Variants in PKM observed in about 807,000 individuals in gnomAD.
The protein encoded by PKM is pyruvate kinase M1/2.
Under a neutral mutation model 49.8 loss-of-function variants are expected in PKM, and 18 were observed. The observed-to-expected ratio is 0.36, with a 90% CI of 0.25 to 0.54. PKM has a LOEUF of 0.54. Among genes scored for constraint, PKM ranks in the 20% least tolerant of loss-of-function variants. The pLI is 0.89. For missense variants in PKM, 508 were observed against 713.8 expected, an observed-to-expected ratio of 0.71 and a Z score of 3.28; for synonymous variants, 239 against 261.8, an observed-to-expected ratio of 0.91 and a Z score of 0.84.
intron 1 of PKM, chr15:72,229,488 CAAA>C: frequency 9.2e-7 from 1 of 1,083,782 alleles, no homozygotes; most frequent in African/African-American, 1.6e-5. Flanking sequence ...CCCGTACCAG[CAAA>C]GGTCCAAGCC....
intron 3 of PKM, among the ~76,000 whole-genome samples, chr15:72,216,457 C>CA (rs1218094253): frequency 6.6e-6 from 1 of 151,976 alleles, no homozygotes; most frequent in East Asian, 1.9e-4. Flanking sequence ...CTCATTTCCC[C>CA]CAAAAAAATT....
intron 1 of PKM, among the ~76,000 whole-genome samples, chr15:72,223,051 A>G (rs1421494418): frequency 7.6e-6 from 1 of 131,888 alleles, no homozygotes; most frequent in East Asian, 2.1e-4. Flanking sequence ...ACAGGGTTTC[A>G]CTCTGTCACC....
chr15:72,211,241 C>T (rs557080296), intron 3 of PKM, among the ~76,000 whole-genome samples: 81 of 152,050 alleles, frequency 5.3e-4, no homozygotes, highest in Middle Eastern at 3.4e-3. Context: ...CTAACTTCTT[C>T]GATTTTTAGT....
chr15:72,208,927 C>A (rs138669807), intron 5 of PKM, 36 bp from the exon 6 acceptor site: 1 of 1,601,058 alleles, frequency 6.2e-7, no homozygotes, highest in East Asian at 2.3e-5. Flanking sequence ...AGGCAGAGCA[C>A]GAGGGCACAG....
At chr15:72,212,401 G>A (rs1596759158) in intron 3 of PKM, among the ~76,000 whole-genome samples, 3 of 151,964 alleles carry the variant, frequency 2.0e-5, no homozygotes, top group Admixed American at 2.0e-4. Context: ...CTTGAACCTA[G>A]GAGGCAGAAG....
chr15:72,216,389 T>C (rs1363653279), intron 3 of PKM, among the ~76,000 whole-genome samples: 2 of 152,098 alleles, frequency 1.3e-5, no homozygotes, highest in African/African-American at 4.8e-5. Flanking sequence ...AATCCCAACA[T>C]TTGAGAGAAT....
chr15:72,219,446 C>A, intron 1 of PKM: 1 of 200,308 alleles, frequency 5.0e-6, no homozygotes, highest in East Asian at 1.1e-4. Flanking sequence ...CTATAAATAA[C>A]ATCATTTAAC....
At chr15:72,213,731 C>T (rs545140998) in intron 3 of PKM, among the ~76,000 whole-genome samples, 1 of 152,108 alleles carries the variant, frequency 6.6e-6, no homozygotes, top group African/African-American at 2.4e-5. Context: ...GCACGCCCAG[C>T]CCACTTTTTC....
In PKM at chr15:72,209,713, G is replaced by A. The variant is rs144805271; in HGVS notation, c.525C>T (p.Tyr175=). The stretch of plus-strand genomic sequence containing the variant: ...GGAGAGAAATAAGCCCATCATCCAC[G>A]TAGATCTTGCTGCCCACTTCCACCA... ...CKVVEVGSKI[Y]VDDGLISLQV... Residue 175 remains tyrosine (Y), a synonymous_variant, in exon 5 of 11, where the codon TAC becomes TAT. Coordinates refer to ENST00000335181, the MANE Select transcript of PKM (RefSeq NM_002654.6). 73 of 1,613,896 alleles carry A rather than the reference G, an allele frequency of 4.5e-5. No homozygotes were observed. The East Asian group carries it at 1.2e-3, about 26-fold the overall frequency.
At chr15:72,219,530 T>C (rs2082467827) in intron 1 of PKM, 1 of 164,440 alleles carries the variant, frequency 6.1e-6, no homozygotes, top group South Asian at 1.6e-4. Flanking sequence ...ACTCCTAGCT[T>C]AGTGCCTTGA....
At position 72,207,123 on chromosome 15, in the gene PKM, A is replaced by G. The variant is rs1406280335; in HGVS notation, c.987+4T>C. On this transcript the variant is annotated splice_donor_region_variant and intron_variant, in intron 7 of 10. Coordinates refer to ENST00000335181, the MANE Select transcript of PKM (RefSeq NM_002654.6). The stretch of plus-strand genomic sequence containing the variant: ...TGAGAATGTGGGGAAGGGTGGGCAC[A>G]TGCCTGAGTAGCACAGATGACAGGC... 1.2e-6 allele frequency: 2 copies of G among 1,613,466 alleles called. No individual in the cohort carries two copies. The highest frequency in any genetic ancestry group is 1.1e-5 in the South Asian group (1 of 91,050).
At chr15:72,208,544 G>T in intron 6 of PKM, 77 bp downstream of exon 6, 2 of 1,490,104 alleles carry the variant, frequency 1.3e-6, no homozygotes, top group Non-Finnish European at 1.9e-6. Flanking sequence ...TAGGGGCTGG[G>T]AATCAGACAT....
At chr15:72,215,486 G>C (rs1047733541) in intron 3 of PKM, among the ~76,000 whole-genome samples, 1 of 151,734 alleles carries the variant, frequency 6.6e-6, no homozygotes, top group Non-Finnish European at 1.5e-5. Context: ...ACTTCAAAAT[G>C]AACACACAAG....
chr15:72,210,509 G>A (rs376191507), intron 3 of PKM, 31 bp from the exon 4 acceptor site: 1 of 1,613,492 alleles, frequency 6.2e-7, no homozygotes, highest in Non-Finnish European at 8.5e-7. Context: ...TGACAAGCGT[G>A]CTCCCACACT....
At chr15:72,223,418 C>T (rs535960879) in intron 1 of PKM, among the ~76,000 whole-genome samples, 4 of 152,276 alleles carry the variant, frequency 2.6e-5, no homozygotes, top group Non-Finnish European at 5.9e-5. Context: ...CTCCCTCCAA[C>T]GTTGCCAGTA....
intron 2 of PKM, among the ~76,000 whole-genome samples, chr15:72,218,629 A>T (rs2082436941): frequency 6.7e-6 from 1 of 150,142 alleles, no homozygotes; most frequent in Admixed American, 6.6e-5. Flanking sequence ...ACAGGGTCTA[A>T]GTTGCTCAGG....
intron 5 of PKM, 118 bp downstream of exon 5, chr15:72,209,555 G>A (rs939325237): frequency 4.3e-5 from 36 of 838,098 alleles, no homozygotes; most frequent in Non-Finnish European, 7.3e-5. Context: ...AGGGATTCCT[G>A]AGAACACACA....
intron 1 of PKM, among the ~76,000 whole-genome samples, chr15:72,227,744 C>CAAAAAAAA (rs34876633): frequency 7.4e-4 from 8 of 10,790 alleles, no homozygotes; most frequent in East Asian, 3.1e-3. Context: ...AAAACTATCT[C>CAAAAAAAA]AAAAAAAAAA....
chr15:72,224,580 T>C (rs970964071), intron 1 of PKM, among the ~76,000 whole-genome samples: 1 of 152,110 alleles, frequency 6.6e-6, no homozygotes, highest in African/African-American at 2.4e-5. Context: ...CACTGAGCCA[T>C]GGCTGGCTGT....
Sources: allele counts gnomAD v4.1 joint callset (sites outside exome capture counted in the v4.1 genomes callset), GRCh38; gene constraint gnomAD v4.1.1; transcripts MANE v1.5; gene names NCBI Gene and HGNC (gene_info 2026-07-23, HGNC 2026-07-21).